PDE10A: variants seen among roughly 807,000 people sequenced by gnomAD.
The protein encoded by PDE10A is cAMP and cAMP-inhibited cGMP 3',5'-cyclic phosphodiesterase 10A.
In PDE10A, 39 loss-of-function variants were observed where a neutral mutation model predicts 97.7. The observed-to-expected ratio is 0.40, with a 90% confidence interval of 0.31 to 0.52. The LOEUF (loss-of-function observed/expected upper bound fraction) is 0.52. PDE10A is among the 20% of genes least tolerant of loss of function. The pLI, the probability that PDE10A is intolerant of heterozygous loss-of-function variation, is 0.56. For missense variants in PDE10A, 731 were observed against 1,047.8 expected (o/e 0.70, Z 4.17); for synonymous variants, 371 against 376.8 (o/e 0.98, Z 0.18).
chr6:165,608,082 G>GCA (rs1562625120), intron 1 of PDE10A, among the ~76,000 whole-genome samples: 1 of 136,162 alleles, frequency 7.3e-6, no homozygotes, highest in African/African-American at 3.4e-5. Context: ...ATGTATATAT[G>GCA]TATATATATG....
At chr6:165,741,923 A>C (rs1216563427) in intron 1 of PDE10A, among the ~76,000 whole-genome samples, 1 of 152,252 alleles carries the variant, frequency 6.6e-6, no homozygotes, top group Non-Finnish European at 1.5e-5. Context: ...CTCATTTGCA[A>C]AGATGACATA....
At chr6:165,746,377 A>G (rs1792843250) in intron 1 of PDE10A, among the ~76,000 whole-genome samples, 1 of 152,234 alleles carries the variant, frequency 6.6e-6, no homozygotes, top group African/African-American at 2.4e-5. Flanking sequence ...CAGGTATTGC[A>G]CAGAATCCTG....
chr6:165,854,588 C>T (rs2128475380), intron 1 of PDE10A, among the ~76,000 whole-genome samples: 1 of 152,302 alleles, frequency 6.6e-6, no homozygotes, highest in East Asian at 1.9e-4. Flanking sequence ...CCCGGGGGTC[C>T]CCAGCTCTGG....
At chr6:165,948,565 T>C (rs945563697) in intron 1 of PDE10A, 1 of 152,334 alleles carries the variant, frequency 6.6e-6, no homozygotes, top group Non-Finnish European at 1.5e-5. Context: ...TCGGGCAGAA[T>C]GCTCTCCCGT....
At chr6:165,928,591 G>A (rs1040547137) in intron 1 of PDE10A, among the ~76,000 whole-genome samples, 4 of 152,200 alleles carry the variant, frequency 2.6e-5, no homozygotes, top group African/African-American at 4.8e-5. Context: ...CAGAGCAAAA[G>A]GGGGACATTT....
chr6:165,469,688 G>A (rs1004634451), intron 3 of PDE10A, among the ~76,000 whole-genome samples: 1 of 152,124 alleles, frequency 6.6e-6, no homozygotes, highest in Admixed American at 6.5e-5. Flanking sequence ...ATCTGGGTGA[G>A]AAATTCTTAT....
intron 1 of PDE10A, among the ~76,000 whole-genome samples, chr6:165,925,496 T>C (rs1782906097): frequency 6.6e-6 from 1 of 152,212 alleles, no homozygotes; most frequent in African/African-American, 2.4e-5. Context: ...AACCCAAATA[T>C]CTTTCAATGG....
At chr6:165,980,028 C>T (rs191085353) in intron 1 of PDE10A, among the ~76,000 whole-genome samples, 9 of 152,256 alleles carry the variant, frequency 5.9e-5, no homozygotes, top group Non-Finnish European at 1.0e-4. Context: ...AATGCAACAC[C>T]GCCCATCCCA....
intron 1 of PDE10A, among the ~76,000 whole-genome samples, chr6:165,818,613 G>A (rs758071500): frequency 6.6e-6 from 1 of 152,158 alleles, no homozygotes; most frequent in African/African-American, 2.4e-5. Flanking sequence ...GTGGGAAATG[G>A]GAGAATGAAC....
At chr6:165,333,463 C>T (rs190891530) in intron 21 of PDE10A, among the ~76,000 whole-genome samples, 109 of 152,132 alleles carry the variant, frequency 7.2e-4, no homozygotes, top group African/African-American at 2.4e-3. Context: ...GAGGAATACG[C>T]GGGATCGTGC....
chr6:165,524,956 G>C (rs963961975), intron 2 of PDE10A, among the ~76,000 whole-genome samples: 7 of 152,126 alleles, frequency 4.6e-5, no homozygotes, highest in Non-Finnish European at 7.3e-5. Context: ...TCCCCTCCCT[G>C]ACCCATGCTG....
intron 1 of PDE10A, among the ~76,000 whole-genome samples, chr6:165,713,899 C>T (rs934926282): frequency 9.9e-5 from 15 of 152,118 alleles, no homozygotes; most frequent in South Asian, 2.1e-4. Context: ...TTTATTGCTG[C>T]GGAAGATTTT....
chr6:165,381,549 C>T (rs748065064), intron 17 of PDE10A, among the ~76,000 whole-genome samples: 10 of 151,958 alleles, frequency 6.6e-5, no homozygotes, highest in Non-Finnish European at 1.3e-4. Flanking sequence ...ACCACAATCT[C>T]TGCTTCCTGG....
chr6:165,706,175 G>C (rs543305025), intron 1 of PDE10A, among the ~76,000 whole-genome samples: 86 of 152,316 alleles, frequency 5.6e-4, no homozygotes, highest in Admixed American at 2.3e-3. Context: ...GATGATCTGA[G>C]AGGCAAAAGC....
intron 10 of PDE10A, among the ~76,000 whole-genome samples, chr6:165,421,306 G>A (rs1339783165): frequency 2.6e-5 from 4 of 152,050 alleles, no homozygotes; most frequent in African/African-American, 9.7e-5. Context: ...AGTCAGGCAT[G>A]GCAGCATGCA....
intron 1 of PDE10A, 62 bp from the exon 2 acceptor site, chr6:165,543,630 A>AC: frequency 3.0e-6 from 4 of 1,324,204 alleles, no homozygotes; most frequent in Admixed American, 3.9e-5. Flanking sequence ...AATGAAAGGT[A>AC]TAGTATCACA....
intron 1 of PDE10A, among the ~76,000 whole-genome samples, chr6:165,701,398 C>G (rs984155239): frequency 3.3e-5 from 5 of 152,230 alleles, no homozygotes; most frequent in African/African-American, 9.6e-5. Context: ...GCTGCACATG[C>G]TAGCCACTCA....
In PDE10A at chr6:165,535,645, C is replaced by A. The variant is rs1783040308; in HGVS notation, c.994+7795G>T. On this transcript the variant is annotated intron_variant, in intron 2 of 21. Coordinates refer to ENST00000539869, the MANE Select transcript of PDE10A (RefSeq NM_001385079.1). The stretch of plus-strand genomic sequence containing the variant: ...TACACACACATTTTCTTTGTCCAAT[C>A]ATCTGTTGATAAGCACTTAGATTGG... 4.0e-5 allele frequency among the ~76,000 whole-genome samples: 6 copies of A among 151,528 alleles called. No homozygotes were observed. In the South Asian group the frequency reaches 1.2e-3, roughly 32 times the overall value.
chr6:165,815,888 A>C (rs538108616), intron 1 of PDE10A, among the ~76,000 whole-genome samples: 61 of 152,100 alleles, frequency 4.0e-4, no homozygotes, highest in Non-Finnish European at 6.8e-4. Context: ...AGTCCCTGCA[A>C]CTGAGTTGCC....
Sources: allele counts gnomAD v4.1 joint callset (sites outside exome capture counted in the v4.1 genomes callset), GRCh38; gene constraint gnomAD v4.1.1; transcripts MANE v1.5; gene names NCBI Gene and HGNC (gene_info 2026-07-23, HGNC 2026-07-21).